The following PDE1C variants were observed in gnomAD, a reference collection of about 807,000 sequenced individuals.
PDE1C encodes the protein dual specificity calcium/calmodulin-dependent 3',5'-cyclic nucleotide phosphodiesterase 1C.
PDE1C carries 62 observed loss-of-function variants against 93.1 expected under a neutral mutation model. The observed-to-expected ratio is 0.67, with a 90% confidence interval of 0.54 to 0.82. The LOEUF is 0.82. Ranked by LOEUF, PDE1C falls within the 40% of genes least tolerant of loss-of-function variation. The pLI is 0.00. For synonymous variants in PDE1C, 325 were observed against 310.1 expected (o/e 1.05, Z -0.50); for missense variants, 742 against 884.6 (o/e 0.84, Z 2.04).
chr7:31,844,172 A>G (rs1164092526), intron 9 of PDE1C, among the ~76,000 whole-genome samples: 1 of 151,768 alleles, frequency 6.6e-6, no homozygotes, highest in African/African-American at 2.4e-5. Flanking sequence ...TTATCAGTTT[A>G]TTCTTTTCTA....
chr7:32,163,463 G>A (rs537862932), intron 3 of PDE1C, among the ~76,000 whole-genome samples: 4 of 152,278 alleles, frequency 2.6e-5, no homozygotes, highest in African/African-American at 7.2e-5. Context: ...AATCTCATCC[G>A]TAGCTGAGGG....
intron 1 of PDE1C, among the ~76,000 whole-genome samples, chr7:32,367,600 T>G (rs1328382715): frequency 2.6e-5 from 4 of 152,298 alleles, no homozygotes; most frequent in African/African-American, 9.6e-5. Context: ...CTTATGCCTG[T>G]AATCCAGCAC....
At position 31,865,098 on chromosome 7, in the gene PDE1C, A is replaced by G; in HGVS notation, c.610-16T>C. 1 of 1,613,854 alleles carries G rather than the reference A, an allele frequency of 6.2e-7. No individual in the cohort carries two copies. Among genetic ancestry groups the G allele is most frequent in the Non-Finnish European group, 8.5e-7 (1 of 1,179,806 alleles). On this transcript the variant is annotated splice_polypyrimidine_tract_variant and intron_variant, in intron 6 of 17. Coordinates refer to ENST00000396191, the MANE Select transcript of PDE1C (RefSeq NM_001191057.4). ...AAATGGGGATCTGAAAGAGAGCAGTAAGGTTAATTAACTAGTGACTTCACT... is the reference window on the plus strand; with the variant it reads ...AAATGGGGATCTGAAAGAGAGCAGTGAGGTTAATTAACTAGTGACTTCACT...
chr7:32,041,883 G>T (rs968900645), intron 2 of PDE1C, among the ~76,000 whole-genome samples: 1 of 152,006 alleles, frequency 6.6e-6, no homozygotes, highest in Non-Finnish European at 1.5e-5. Context: ...GAAGAGAAAA[G>T]AACAATTGGC....
intron 2 of PDE1C, among the ~76,000 whole-genome samples, chr7:31,888,249 C>CAAAAAAAA (rs34112969): frequency 1.7e-3 from 76 of 44,116 alleles, no homozygotes; most frequent in African/African-American, 3.6e-3. Context: ...GACTCAGTCT[C>CAAAAAAAA]AAAAAAAAAA....
At chr7:31,636,209 G>A in the PDE1C span, among the ~76,000 whole-genome samples, 16 of 152,104 alleles carry the variant, frequency 1.1e-4, no homozygotes, top group Admixed American at 1.0e-3. Context: ...TGGGGATTAT[G>A]GGAACTACAA....
intron 3 of PDE1C, among the ~76,000 whole-genome samples, chr7:32,128,953 A>G (rs1799758877): frequency 9.5e-6 from 1 of 105,012 alleles, no homozygotes; most frequent in African/African-American, 4.7e-5. Flanking sequence ...ATATATATAT[A>G]AAGAAAAATC....
chr7:31,707,222 ACG>A, the PDE1C span: 1 of 1,613,966 alleles, frequency 6.2e-7, no homozygotes, highest in East Asian at 2.2e-5. Context: ...TTGCTCAGGG[ACG>A]AGAGACCCAA....
At chr7:31,709,253 A>G in the PDE1C span, among the ~76,000 whole-genome samples, 1 of 152,186 alleles carries the variant, frequency 6.6e-6, no homozygotes, top group African/African-American at 2.4e-5. Context: ...TGGAAATAAA[A>G]GCCTTGGGTC....
At chr7:31,649,117 C>T in the PDE1C span, among the ~76,000 whole-genome samples, 1 of 152,142 alleles carries the variant, frequency 6.6e-6, no homozygotes, top group Admixed American at 6.5e-5. Flanking sequence ...CTTTACTATG[C>T]AAAATACGTT....
chr7:32,013,633 C>G (rs1465146995), intron 2 of PDE1C, among the ~76,000 whole-genome samples: 1 of 152,132 alleles, frequency 6.6e-6, no homozygotes, highest in Non-Finnish European at 1.5e-5. Context: ...AAAAACATCT[C>G]CAAATAAGGA....
At chr7:32,311,336 C>T (rs888436458) in intron 1 of PDE1C, among the ~76,000 whole-genome samples, 27 of 152,354 alleles carry the variant, frequency 1.8e-4, no homozygotes, top group African/African-American at 6.5e-4. Flanking sequence ...CAAGGAGGAG[C>T]TGGTACCATT....
intron 1 of PDE1C, among the ~76,000 whole-genome samples, chr7:32,261,428 T>TGA (rs1176254167): frequency 2.0e-5 from 3 of 152,162 alleles, no homozygotes; most frequent in Non-Finnish European, 4.4e-5. Context: ...CCAAATTATC[T>TGA]TTAAAAACTC....
At chr7:31,931,265 G>A (rs1804208024) in intron 2 of PDE1C, among the ~76,000 whole-genome samples, 1 of 152,110 alleles carries the variant, frequency 6.6e-6, no homozygotes, top group Non-Finnish European at 1.5e-5. Flanking sequence ...AAGAAAGAAA[G>A]TGTATTCAAA....
intron 2 of PDE1C, among the ~76,000 whole-genome samples, chr7:31,889,786 G>A (rs755809365): frequency 2.6e-5 from 4 of 152,212 alleles, no homozygotes; most frequent in African/African-American, 7.2e-5. Flanking sequence ...AAGGTGTTAC[G>A]ACTCAGGGTT....
At chr7:32,027,930 G>C (rs2128629140) in intron 2 of PDE1C, among the ~76,000 whole-genome samples, 1 of 152,034 alleles carries the variant, frequency 6.6e-6, no homozygotes, top group African/African-American at 2.4e-5. Flanking sequence ...AAGTCTTCTT[G>C]GGATTCAGAC....
At chr7:31,918,754 C>T (rs1271585511) in intron 2 of PDE1C, among the ~76,000 whole-genome samples, 1 of 151,956 alleles carries the variant, frequency 6.6e-6, no homozygotes, top group Non-Finnish European at 1.5e-5. Context: ...GCATTTATAC[C>T]TTCGTCATTG....
chr7:31,783,418 A>G (rs1783597764), intron 16 of PDE1C: 1 of 152,216 alleles, frequency 6.6e-6, no homozygotes, highest in Non-Finnish European at 1.5e-5. Context: ...CAAAAGAGAC[A>G]GATGGTTGAC....
exon 1 of PDE1C, chr7:32,299,006 G>A: frequency 1.6e-6 from 2 of 1,249,370 alleles, no homozygotes; most frequent in South Asian, 2.5e-5. Context: ...GGCGAGAGGA[G>A]TGTCAGGAAG....
Sources: allele counts gnomAD v4.1 joint callset (sites outside exome capture counted in the v4.1 genomes callset), GRCh38; gene constraint gnomAD v4.1.1; transcripts MANE v1.5; gene names NCBI Gene and HGNC (gene_info 2026-07-23, HGNC 2026-07-21).